MYCBP2: variants seen among roughly 807,000 people sequenced by gnomAD.
MYCBP2 encodes MYC binding protein 2.
In MYCBP2, 120 loss-of-function variants were observed where a neutral mutation model predicts 525.3. The ratio of observed to expected loss-of-function variants is 0.23; its 90% CI spans 0.20 to 0.27. The LOEUF (loss-of-function observed/expected upper bound fraction) is 0.27, where lower values mean the gene tolerates loss of function less well. Ranked by LOEUF, MYCBP2 falls within the 10% of genes least tolerant of loss-of-function variation. MYCBP2 has a pLI of 1.00. For missense variants in MYCBP2, 4,149 were observed against 5,657.1 expected (o/e 0.73, Z 8.55); for synonymous variants, 1,894 against 1,955.8 (o/e 0.97, Z 0.83).
At chr13:77,202,233 C>G (rs987070982) in intron 26 of MYCBP2, among the ~76,000 whole-genome samples, 5 of 152,188 alleles carry the variant, frequency 3.3e-5, no homozygotes, top group African/African-American at 7.2e-5. Flanking sequence ...CACAGAAATA[C>G]AAACTACCAT....
rs780618106 is a variant in MYCBP2 at position 77,139,303 on chromosome 13, T to G, written c.7552A>C (p.Asn2518His). ...HNDDGVWLRL[N>H]DETIKKYVPN... ...ACATACTTCTTTATTGTCTCATCAT[T>G]CAGCCTCAGCCACACACCATCATCA... Residue 2518 changes from asparagine (N) to histidine (H), a missense_variant, in exon 52 of 83, where the codon AAT becomes CAT. This residue lies in a region of MYCBP2 where 692 missense variants were observed against 852.7 expected (regional missense o/e 0.81). Coordinates refer to ENST00000544440, the MANE Select transcript of MYCBP2 (RefSeq NM_015057.5). The G allele has an allele frequency of 2.5e-6, 4 of 1,613,670 alleles. No homozygotes were observed. Among genetic ancestry groups the G allele is most frequent in the African/African-American group, 1.3e-5 (1 of 74,918 alleles).
Position 77,192,264 on chromosome 13 carries a change from G to A in MYCBP2, c.3936-451C>T, listed in dbSNP as rs559362625. 2.6e-5 allele frequency among the ~76,000 whole-genome samples: 4 copies of A among 152,334 alleles called. No homozygotes were observed. In the South Asian group the frequency reaches 6.2e-4, roughly 24 times the overall value. On this transcript the variant is annotated intron_variant, in intron 27 of 82. Coordinates refer to ENST00000544440, the MANE Select transcript of MYCBP2 (RefSeq NM_015057.5). Reference sequence around the variant, plus strand: ...CTCTGTGACCTGCTAGCAGGGCAACGCAGGGCAAGTTACTCTATCCTCTCA... The same window carrying A: ...CTCTGTGACCTGCTAGCAGGGCAACACAGGGCAAGTTACTCTATCCTCTCA...
Position 77,166,393 on chromosome 13 carries a change from T to A in MYCBP2, c.6276A>T (p.Ser2092=). Residue 2092 remains serine, a synonymous_variant, in exon 41 of 83, where the codon TCA becomes TCT. Transcript: ENST00000544440. ...KLTSVHENLN[S]WIELKKFSGS... Reference sequence around the variant, plus strand: ...CTGAAAATTTCTTTAATTCTATCCATGAATTAAGATTTTCATGAACAGATG... The same window carrying A: ...CTGAAAATTTCTTTAATTCTATCCAAGAATTAAGATTTTCATGAACAGATG... 6.2e-7 allele frequency: 1 copy of A among 1,613,950 alleles called. No homozygotes were observed. The highest frequency in any genetic ancestry group is 8.5e-7 in the Non-Finnish European group (1 of 1,179,888).
intron 61 of MYCBP2, 80 bp downstream of exon 61, chr13:77,088,752 A>G: frequency 2.4e-6 from 3 of 1,250,462 alleles, no homozygotes; most frequent in Non-Finnish European, 3.4e-6. Flanking sequence ...TTCTGTTGGT[A>G]AAAAAGTGGC....
chr13:77,299,521 T>C (rs999958982), intron 1 of MYCBP2, among the ~76,000 whole-genome samples: 4 of 152,276 alleles, frequency 2.6e-5, no homozygotes, highest in Middle Eastern at 3.4e-3. Context: ...GAAAATTATA[T>C]AAACAAAATT....
chr13:77,111,461 A>T (rs2048809804), intron 55 of MYCBP2, among the ~76,000 whole-genome samples: 1 of 149,510 alleles, frequency 6.7e-6, no homozygotes, highest in Non-Finnish European at 1.5e-5. Flanking sequence ...TTTAAGAGGC[A>T]GGGTCTTGCT....
At chr13:77,300,482 A>C (rs1375748340) in intron 1 of MYCBP2, among the ~76,000 whole-genome samples, 2 of 152,200 alleles carry the variant, frequency 1.3e-5, no homozygotes, top group Non-Finnish European at 2.9e-5. Context: ...AACCTTTTAA[A>C]AATGTAAAAA....
chr13:77,092,649 C>G (rs560405752), intron 59 of MYCBP2: 1 of 152,334 alleles, frequency 6.6e-6, no homozygotes, highest in African/African-American at 2.4e-5. Flanking sequence ...TGGTCTCAAA[C>G]TCCTGACCTC....
chr13:77,150,496 C>G (rs1414820293), intron 47 of MYCBP2, among the ~76,000 whole-genome samples: 1 of 152,108 alleles, frequency 6.6e-6, no homozygotes, highest in Non-Finnish European at 1.5e-5. Context: ...CCATCTGTAT[C>G]TCTGATTCGA....
chr13:77,157,985 T>C lies in MYCBP2; in HGVS notation c.6722A>G (p.Asp2241Gly), dbSNP rs973365039. ...QIQSNEQSFL[D>G]DFIACVPGSS... is the part of the protein sequence containing the mutation. ...TCCTGGGACACAGGCAATAAAATCA[T>C]CCAGAAAAGACTGTTCATTGCTTTG... The change falls in exon 45 of 83, where the codon GAT becomes GGT. Residue 2241 changes from aspartate to glycine, a missense_variant. Asp to Gly is a moderately conservative substitution (Grantham distance 94). Around this residue, in one of 21 missense-constraint regions of MYCBP2, gnomAD observed 692 missense variants for 852.7 expected, o/e 0.81. Transcript: ENST00000544440. 1.9e-6 allele frequency: 3 copies of C among 1,613,568 alleles called. No homozygotes were observed. Among genetic ancestry groups the C allele is most frequent in the Middle Eastern group, 1.7e-4 (1 of 6,058 alleles).
intron 43 of MYCBP2, among the ~76,000 whole-genome samples, chr13:77,163,245 T>C (rs1033212308): frequency 1.3e-5 from 2 of 152,196 alleles, no homozygotes; most frequent in African/African-American, 2.4e-5. Context: ...TCAAAAAGTA[T>C]ATATAATGTA....
At chr13:77,294,547 C>G (rs1049584959) in intron 2 of MYCBP2, among the ~76,000 whole-genome samples, 2 of 152,142 alleles carry the variant, frequency 1.3e-5, no homozygotes, top group African/African-American at 4.8e-5. Flanking sequence ...AAGACCTTGA[C>G]TTCTCCTCAC....
At chr13:77,306,493 G>T (rs1338556393) in intron 1 of MYCBP2, among the ~76,000 whole-genome samples, 1 of 152,020 alleles carries the variant, frequency 6.6e-6, no homozygotes, top group Non-Finnish European at 1.5e-5. Context: ...ATGGGGGGAG[G>T]ACTATAAATA....
At chr13:77,222,242 T>A (rs1284325111) in intron 20 of MYCBP2, among the ~76,000 whole-genome samples, 5 of 152,208 alleles carry the variant, frequency 3.3e-5, no homozygotes, top group African/African-American at 1.2e-4. Flanking sequence ...CTCAACACTG[T>A]TGGTATTATG....
At chr13:77,170,639 C>T (rs966684997) in intron 38 of MYCBP2, among the ~76,000 whole-genome samples, 4 of 148,764 alleles carry the variant, frequency 2.7e-5, no homozygotes, top group African/African-American at 5.0e-5. Flanking sequence ...TGCAGTGGTG[C>T]GATCTCGGCT....
intron 37 of MYCBP2, 142 bp downstream of exon 37, chr13:77,174,169 A>T: frequency 1.8e-6 from 1 of 565,700 alleles, no homozygotes; most frequent in Non-Finnish European, 2.9e-6. Flanking sequence ...AGATTTCTTT[A>T]TATGAATTTG....
rs1207275860 is a variant in MYCBP2 at position 77,097,487 on chromosome 13, A to T, written c.9667T>A (p.Leu3223Met). The stretch of plus-strand genomic sequence containing the variant: ...GCCAGCTGGGCCATCTCTCCAAACA[A>T]ATTACCCCTGGGCCTAACTTCTGCC... ...EKAEVRPRGN[L>M]FGEMAQLAVG... The change falls in exon 56 of 83, where the codon TTG (leucine) becomes ATG (methionine). Residue 3223 changes from leucine (L) to methionine (M), a missense_variant. By Grantham distance (15) the Leu-to-Met change is conservative. Coordinates refer to ENST00000544440, the MANE Select transcript of MYCBP2 (RefSeq NM_015057.5). 3 of 1,613,064 alleles carry T rather than the reference A, an allele frequency of 1.9e-6. No homozygotes were observed. The highest frequency in any genetic ancestry group is 2.5e-6 in the Non-Finnish European group (3 of 1,179,662).
intron 41 of MYCBP2, 41 bp from the exon 42 acceptor site, chr13:77,165,432 T>G: frequency 7.0e-7 from 1 of 1,419,764 alleles, no homozygotes; most frequent in Non-Finnish European, 9.7e-7. Context: ...TCTAAAACAA[T>G]TTTATAAAAA....
intron 81 of MYCBP2, 81 bp from the exon 82 acceptor site, chr13:77,051,243 A>G: frequency 8.0e-7 from 1 of 1,257,594 alleles, no homozygotes; most frequent in Non-Finnish European, 1.1e-6. Flanking sequence ...ATACATAGAC[A>G]GCTCCTTAAT....
Sources: gnomAD v4.1 joint callset for allele counts (sites outside exome capture counted in the v4.1 genomes callset) on GRCh38, gnomAD v4.1.1 for gene constraint, gnomAD v4.1.1 regional missense constraint, MANE v1.5 for transcripts, NCBI Gene and HGNC (gene_info 2026-07-23, HGNC 2026-07-21) for gene names.